Variants in IFT46 observed in about 807,000 individuals in gnomAD.
IFT46 encodes intraflagellar transport 46.
In IFT46, 19 loss-of-function variants were observed where a neutral mutation model predicts 39.6. The observed-to-expected ratio is 0.48, with a 90% CI of 0.33 to 0.70. IFT46 has a LOEUF of 0.70. IFT46 is among the 30% of genes least tolerant of loss of function. The probability of loss-of-function intolerance (pLI) is 0.01; values close to 1 mark genes in which losing one functional copy is unlikely to be tolerated. For missense variants in IFT46, 334 were observed against 364.8 expected, an observed-to-expected ratio of 0.92 and a Z score of 0.69; for synonymous variants, 117 against 134.8, an observed-to-expected ratio of 0.87 and a Z score of 0.91.
intron 3 of IFT46, chr11:118,557,981 T>C: frequency 7.1e-6 from 8 of 1,131,166 alleles, no homozygotes; most frequent in Non-Finnish European, 9.8e-6. Flanking sequence ...TTAACACGTT[T>C]GATTCCAGTT....
intron 3 of IFT46, 117 bp downstream of exon 3, chr11:118,559,668 G>T: frequency 2.5e-6 from 2 of 795,184 alleles, no homozygotes; most frequent in South Asian, 1.5e-5. Context: ...TGAGCTCAAA[G>T]GTCCCTAACC....
chr11:118,546,360 G>C (rs1555067157), intron 9 of IFT46: 1 of 553,226 alleles, frequency 1.8e-6, no homozygotes, highest in Non-Finnish European at 3.3e-6. Context: ...GTGTGGTGTT[G>C]AGTATCTGTA....
upstream of IFT46, among the ~76,000 whole-genome samples, chr11:118,567,565 G>A (rs1048336263): frequency 1.3e-5 from 2 of 152,176 alleles, no homozygotes; most frequent in African/African-American, 4.8e-5. Flanking sequence ...GACAGGGCGA[G>A]ACTCCGTCTC....
intron 7 of IFT46, among the ~76,000 whole-genome samples, chr11:118,553,465 T>A (rs1023266232): frequency 2.0e-5 from 3 of 151,962 alleles, no homozygotes; most frequent in South Asian, 4.2e-4. Flanking sequence ...GAAATACCAT[T>A]TCACACCTAC....
upstream of IFT46, among the ~76,000 whole-genome samples, chr11:118,574,748 G>A (rs1196365457): frequency 6.7e-6 from 1 of 149,072 alleles, no homozygotes; most frequent in East Asian, 2.2e-4. Flanking sequence ...ACAAAGAAAG[G>A]CATCTTTTGA....
chr11:118,576,426 TAAAAAAAAA>T (rs10671866), upstream of IFT46, among the ~76,000 whole-genome samples: 1 of 108,778 alleles, frequency 9.2e-6, no homozygotes, highest in African/African-American at 3.5e-5. Flanking sequence ...CCAAAAATGT[TAAAAAAAAA>T]AAAAAAAAAA....
At chr11:118,565,358 A>G (rs1938188690) in intron 1 of IFT46, among the ~76,000 whole-genome samples, 1 of 151,664 alleles carries the variant, frequency 6.6e-6, no homozygotes, top group African/African-American at 2.4e-5. Context: ...ACCACGCGCA[A>G]GGGCAGAACA....
chr11:118,572,575 C>T (rs782497773), intron 1 of IFT46: 1 of 1,603,316 alleles, frequency 6.2e-7, no homozygotes. Context: ...AGGACCCGAA[C>T]TCCTGGGGTC....
intron 2 of IFT46, chr11:118,560,682 T>C: frequency 3.5e-6 from 2 of 566,462 alleles, no homozygotes; most frequent in South Asian, 3.6e-5. Flanking sequence ...GGGTCTCTGT[T>C]CCGCAGAATG....
chr11:118,573,777 G>C (rs1555072929), upstream of IFT46: 1 of 612,036 alleles, frequency 1.6e-6, no homozygotes, highest in East Asian at 2.9e-5. Flanking sequence ...GCTTTTCTCA[G>C]CCTCAGGTAT....
At chr11:118,568,217 G>C (rs1407608133), upstream of IFT46, among the ~76,000 whole-genome samples, 1 of 152,140 alleles carries the variant, frequency 6.6e-6, no homozygotes, top group Non-Finnish European at 1.5e-5. Context: ...ATAAGAATTT[G>C]TTCCATGTTT....
intron 6 of IFT46, 69 bp from the exon 7 acceptor site, chr11:118,554,656 T>C (rs1398034634): frequency 2.7e-6 from 4 of 1,480,900 alleles, no homozygotes; most frequent in East Asian, 2.3e-5. Flanking sequence ...AGAACACTTC[T>C]GGTTCATCAT....
At chr11:118,567,958 C>G (rs1227143387), upstream of IFT46, among the ~76,000 whole-genome samples, 1 of 152,156 alleles carries the variant, frequency 6.6e-6, no homozygotes, top group African/African-American at 2.4e-5. Context: ...AAATAGCAGC[C>G]AAACACAGGT....
At chr11:118,559,151 C>T (rs551900564) in intron 3 of IFT46, among the ~76,000 whole-genome samples, 60 of 151,882 alleles carry the variant, frequency 4.0e-4, no homozygotes, top group Admixed American at 1.8e-3. Flanking sequence ...TACAGGAGTG[C>T]GCCACCACAC....
intron 2 of IFT46, among the ~76,000 whole-genome samples, chr11:118,563,715 G>A (rs572616309): frequency 2.9e-4 from 44 of 152,172 alleles, no homozygotes; most frequent in South Asian, 1.7e-3. Flanking sequence ...CATATCATAC[G>A]GTAGTGTCCC....
intron 5 of IFT46, 48 bp downstream of exon 5, chr11:118,555,200 G>A (rs1413833593): frequency 6.4e-7 from 1 of 1,568,378 alleles, no homozygotes; most frequent in East Asian, 2.2e-5. Flanking sequence ...GGAAAGGTTT[G>A]GGGCAAGGTA....
intron 6 of IFT46, among the ~76,000 whole-genome samples, 169 bp downstream of exon 6, chr11:118,554,821 T>C (rs1219472026): frequency 6.6e-6 from 1 of 152,190 alleles, no homozygotes; most frequent in Admixed American, 6.5e-5. Flanking sequence ...ATATTAAGTA[T>C]TACTTAAGAG....
upstream of IFT46, among the ~76,000 whole-genome samples, chr11:118,566,946 T>C (rs1057271032): frequency 1.3e-5 from 2 of 151,310 alleles, no homozygotes; most frequent in South Asian, 4.2e-4. Flanking sequence ...ACATAAAATA[T>C]TGGAGGCCAG....
chr11:118,573,210 C>A (rs530860683), upstream of IFT46, among the ~76,000 whole-genome samples: 2 of 152,048 alleles, frequency 1.3e-5, no homozygotes, highest in African/African-American at 2.4e-5. Flanking sequence ...CTGTGTAGAC[C>A]ACTGGGAAAA....
Sources: gnomAD v4.1 joint callset for allele counts (sites outside exome capture counted in the v4.1 genomes callset) on GRCh38, gnomAD v4.1.1 for gene constraint, MANE v1.5 for transcripts, NCBI Gene and HGNC (gene_info 2026-07-23, HGNC 2026-07-21) for gene names.